Variants in SMIM14 observed in about 807,000 individuals in gnomAD.
SMIM14 encodes the protein chromosome 4 open reading frame 34.
Under a neutral mutation model 12.6 loss-of-function variants are expected in SMIM14, and 5 were observed. The ratio of observed to expected loss-of-function variants is 0.40; its 90% CI spans 0.21 to 0.83. The LOEUF (loss-of-function observed/expected upper bound fraction) is 0.83. Among genes scored for constraint, SMIM14 ranks in the 40% least tolerant of loss-of-function variants. The probability of loss-of-function intolerance (pLI) is 0.37; values close to 1 mark genes in which losing one functional copy is unlikely to be tolerated. For synonymous variants in SMIM14, 30 were observed against 40.1 expected (o/e 0.75, Z 0.95); for missense variants, 86 against 119.1 (o/e 0.72, Z 1.29).
rs758235489 is a variant in SMIM14, at chr4:39,548,505, A to G, written c.*3621T>C. Reference sequence around the variant, plus strand: ...CCATGACTGGCCTAAAACAAAATAAATTCTTAATGGCATTTGTGGAATGTG... The same window carrying G: ...CCATGACTGGCCTAAAACAAAATAAGTTCTTAATGGCATTTGTGGAATGTG... On this transcript the variant is annotated 3_prime_UTR_variant, in exon 5 of 5. Coordinates refer to ENST00000295958, the MANE Select transcript of SMIM14 (RefSeq NM_174921.3). The G allele has an allele frequency of 1.3e-5, 2 of 152,170 alleles. No homozygotes were observed. The highest frequency in any genetic ancestry group is 2.9e-5 in the Non-Finnish European group (2 of 68,036). 9.4% of individuals were successfully genotyped at this position (152,170 alleles called of 1,614,324 possible).
intron 1 of SMIM14, among the ~76,000 whole-genome samples, chr4:39,626,212 C>G (rs946429410): frequency 6.6e-6 from 1 of 152,252 alleles, no homozygotes; most frequent in African/African-American, 2.4e-5. Flanking sequence ...CCACGCCCCC[C>G]ACCCCTGCCC....
At position 39,579,653 on chromosome 4, in the gene SMIM14, G is replaced by A. The variant is rs570229606; in HGVS notation, c.76-7190C>T. Among the ~76,000 whole-genome samples, 9 of 151,972 alleles carry A rather than the reference G, an allele frequency of 5.9e-5. No individual in the cohort carries two copies. The South Asian group carries it at 1.7e-3, about 28-fold the overall frequency. ...AGGTCAGGAGTTTGAGACCAACCTG[G>A]CCAACATGGTGCAACCCCATTTCTA... On this transcript the variant is annotated intron_variant, in intron 2 of 4. Coordinates refer to ENST00000295958, the MANE Select transcript of SMIM14 (RefSeq NM_174921.3).
intron 1 of SMIM14, among the ~76,000 whole-genome samples, chr4:39,612,563 G>T (rs1195109813): frequency 1.3e-5 from 2 of 151,994 alleles, no homozygotes; most frequent in Non-Finnish European, 2.9e-5. Flanking sequence ...GGCCAATACT[G>T]TGTTGGTTAA....
intron 2 of SMIM14, among the ~76,000 whole-genome samples, chr4:39,577,172 CAGG>C (rs960788176): frequency 4.6e-5 from 7 of 151,538 alleles, no homozygotes; most frequent in African/African-American, 1.4e-4. Flanking sequence ...CTCCTTCCAC[CAGG>C]AGGAGGAGGA....
At chr4:39,556,341 G>A (rs1463245033) in intron 4 of SMIM14, 87 bp downstream of exon 4, 3 of 1,197,578 alleles carry the variant, frequency 2.5e-6, no homozygotes, top group Non-Finnish European at 3.5e-6. Flanking sequence ...AACTAATTTA[G>A]GTGTTTTAGT....
chr4:39,588,011 A>T (rs1713870507), intron 2 of SMIM14: 1 of 152,212 alleles, frequency 6.6e-6, no homozygotes, highest in Non-Finnish European at 1.5e-5. Flanking sequence ...ATTCTAACTG[A>T]CAATACTAGC....
In SMIM14 at chr4:39,552,052, TAA is replaced by T. The variant is rs1413005920; in HGVS notation, c.*72_*73del. 2.4e-6 allele frequency: 3 copies of T among 1,251,538 alleles called. No individual in the cohort carries two copies. The East Asian group carries it at 7.2e-5, about 30-fold the overall frequency. The allele number at this position is 1,251,538 out of a possible 1,614,324, so 77.5% of individuals were successfully genotyped here. ...AAAGGAAAAACAGTTCTAATGGGGT[TAA>T]GAGTACTCTGGTCATCTTCGTTCGT... On this transcript the variant is annotated 3_prime_UTR_variant, in exon 5 of 5. Transcript: ENST00000295958.
intron 2 of SMIM14, among the ~76,000 whole-genome samples, chr4:39,577,712 C>T (rs1224903560): frequency 6.6e-6 from 1 of 152,078 alleles, no homozygotes; most frequent in Non-Finnish European, 1.5e-5. Context: ...TAGGTGTGAG[C>T]CACTGTGCTT....
chr4:39,605,017 AGGATACAAG>A, intron 2 of SMIM14, 45 bp downstream of exon 2: 1 of 1,062,964 alleles, frequency 9.4e-7, no homozygotes, highest in Non-Finnish European at 1.4e-6. Context: ...TCATGAAAAG[AGGATACAAG>A]GGATACAGAT....
intron 3 of SMIM14, among the ~76,000 whole-genome samples, chr4:39,559,571 T>C (rs1247884740): frequency 6.6e-6 from 1 of 152,120 alleles, no homozygotes; most frequent in Non-Finnish European, 1.5e-5. Context: ...GAAACTAATC[T>C]GATACACTGC....
In SMIM14 at chr4:39,558,866, G is replaced by A. The variant is rs1045707716; in HGVS notation, c.125-2296C>T. On this transcript the variant is annotated intron_variant, in intron 3 of 4. Coordinates refer to ENST00000295958, the MANE Select transcript of SMIM14 (RefSeq NM_174921.3). This position sits in a 1 kb window ranked among gnomAD's most constrained non-coding sequence, Gnocchi z 4.3. ...TGGGATTACAGGCACATGCCACCAT[G>A]CCTGGCTAACTTTTTGTATCTTTAG... Among the ~76,000 whole-genome samples, 4 of 152,102 alleles carry A rather than the reference G, an allele frequency of 2.6e-5. No individual in the cohort carries two copies. The highest frequency in any genetic ancestry group is 4.4e-5 in the Non-Finnish European group (3 of 68,018).
At chr4:39,633,386 C>T (rs1333798991) in intron 1 of SMIM14, among the ~76,000 whole-genome samples, 2 of 152,114 alleles carry the variant, frequency 1.3e-5, no homozygotes, top group Non-Finnish European at 2.9e-5. Flanking sequence ...CTATTTAAGG[C>T]CATGGTTCAC....
intron 2 of SMIM14, among the ~76,000 whole-genome samples, chr4:39,584,793 C>CAAAAAAAA (rs34970724): frequency 9.2e-5 from 7 of 76,088 alleles, no homozygotes; most frequent in African/African-American, 2.1e-4. Context: ...AGGACCTTGT[C>CAAAAAAAA]AAAAAAAAAA....
chr4:39,626,458 T>G (rs1715702405), intron 1 of SMIM14, among the ~76,000 whole-genome samples: 1 of 152,192 alleles, frequency 6.6e-6, no homozygotes, highest in South Asian at 2.1e-4. Flanking sequence ...ATTTGCCCAG[T>G]CACACAGCAC....
intron 1 of SMIM14, among the ~76,000 whole-genome samples, chr4:39,616,901 C>T (rs543417790): frequency 6.6e-6 from 1 of 152,012 alleles, no homozygotes; most frequent in Non-Finnish European, 1.5e-5. Context: ...TTCCAGTATG[C>T]TCAGTGTGAA....
intron 4 of SMIM14, among the ~76,000 whole-genome samples, chr4:39,552,756 G>A (rs930040207): frequency 1.3e-5 from 2 of 152,016 alleles, no homozygotes; most frequent in African/African-American, 2.4e-5. Flanking sequence ...TTTTTTTGAC[G>A]TGTAAATCAA....
At position 39,549,413 on chromosome 4, in the gene SMIM14, G is replaced by T. The variant is rs11725195; in HGVS notation, c.*2713C>A. The T allele has an allele frequency of 0.2, 30,054 of 151,784 alleles. 3,459 individuals are homozygous for T. Among genetic ancestry groups the T allele is most frequent in the South Asian group, 0.42 (2,006 of 4,784 alleles). The allele number at this position is 151,784 out of a possible 1,614,324, so 9.4% of individuals were successfully genotyped here. On this transcript the variant is annotated 3_prime_UTR_variant, in exon 5 of 5. Coordinates refer to ENST00000295958, the MANE Select transcript of SMIM14 (RefSeq NM_174921.3). Reference sequence around the variant, plus strand: ...TTCTCCTGCCTCAGCCTCCCGAGTAGCTAAGACTACAGGCCGTGTCACCAA... The same window carrying T: ...TTCTCCTGCCTCAGCCTCCCGAGTATCTAAGACTACAGGCCGTGTCACCAA...
chr4:39,556,262 T>C (rs576823550), intron 4 of SMIM14, among the ~76,000 whole-genome samples, 166 bp downstream of exon 4: 64 of 152,280 alleles, frequency 4.2e-4, no homozygotes, highest in Non-Finnish European at 9.0e-4. Context: ...AAGCTGTCAA[T>C]TAAATCTTGG....
At chr4:39,553,635 C>T (rs1711850948) in intron 4 of SMIM14, among the ~76,000 whole-genome samples, 1 of 150,280 alleles carries the variant, frequency 6.7e-6, no homozygotes, top group African/African-American at 2.5e-5. Context: ...CTCTTGTTGC[C>T]CAGGCTGGAG....
Sources: allele counts gnomAD v4.1 joint callset (sites outside exome capture counted in the v4.1 genomes callset), GRCh38; gene constraint gnomAD v4.1.1; non-coding constraint Gnocchi (gnomAD v3.1); transcripts MANE v1.5; gene names NCBI Gene and HGNC (gene_info 2026-07-23, HGNC 2026-07-21).